TRIM66: variants seen among roughly 807,000 people sequenced by gnomAD.
The protein encoded by TRIM66 is tripartite motif containing 66, also known as tripartite motif-containing protein 66.
TRIM66 carries 99 observed loss-of-function variants against 148.2 expected under a neutral mutation model. The observed-to-expected ratio is 0.67, with a 90% confidence interval of 0.57 to 0.79. The LOEUF (loss-of-function observed/expected upper bound fraction) is 0.79. Among genes scored for constraint, TRIM66 ranks in the 30% least tolerant of loss-of-function variants. The probability of loss-of-function intolerance (pLI) is 0.00; values close to 1 mark genes in which losing one functional copy is unlikely to be tolerated. For synonymous variants in TRIM66, 616 were observed against 635.9 expected, an observed-to-expected ratio of 0.97 and a Z score of 0.47; for missense variants, 1,666 against 1,697.9, an observed-to-expected ratio of 0.98 and a Z score of 0.33.
At chr11:8,618,683 C>G in intron 24 of TRIM66, 67 bp downstream of exon 24, 1 of 1,423,088 alleles carries the variant, frequency 7.0e-7, no homozygotes. Flanking sequence ...ACCTTAGGTT[C>G]TGCTTGGGTG....
chr11:8,625,590 C>G (rs2034765294), intron 15 of TRIM66, among the ~76,000 whole-genome samples: 1 of 152,086 alleles, frequency 6.6e-6, no homozygotes, highest in Non-Finnish European at 1.5e-5. Context: ...ACAGCCATAT[C>G]CCTCACCCCA....
At chr11:8,618,137 T>G (rs2141784498) in intron 24 of TRIM66, 134 bp from the exon 25 acceptor site, 1 of 876,446 alleles carries the variant, frequency 1.1e-6, no homozygotes, top group South Asian at 1.6e-5. Context: ...CAGTAAAACT[T>G]ACTGAAGCCA....
intron 18 of TRIM66, among the ~76,000 whole-genome samples, chr11:8,622,398 G>A (rs2034379555): frequency 2.5e-5 from 2 of 81,266 alleles, no homozygotes; most frequent in African/African-American, 4.2e-5. Context: ...TACTTGTTCT[G>A]TGCCTCTAGA....
At position 8,618,766 on chromosome 11, in the gene TRIM66, C is replaced by G; in HGVS notation, c.4103G>C (p.Arg1368Thr). 3 of 1,550,776 alleles carry G rather than the reference C, an allele frequency of 1.9e-6. No individual in the cohort carries two copies. Among genetic ancestry groups the G allele is most frequent in the Non-Finnish European group, 2.6e-6 (3 of 1,146,842 alleles). ...ACTCTTTACCATATGTCGTCGCCGC[C>G]TCTTGGGTTGGATGCCCTCCTGCAT... ...PYMQEGIQPKRRRRHMENERA... is the reference protein window; with the variant it reads ...PYMQEGIQPKTRRRHMENERA... The change falls in exon 24 of 25, where the codon AGG (arginine) becomes ACG (threonine). Residue 1368 changes from arginine (R) to threonine (T), a missense_variant. This residue lies in a region of TRIM66 where 204 missense variants were observed against 231.0 expected (regional missense o/e 0.88). Coordinates refer to ENST00000646038, the MANE Select transcript of TRIM66 (RefSeq NM_001388022.1).
intron 6 of TRIM66, among the ~76,000 whole-genome samples, chr11:8,654,949 C>T (rs926772100): frequency 3.3e-5 from 5 of 152,130 alleles, no homozygotes; most frequent in African/African-American, 1.2e-4. Context: ...CAACCTCCGC[C>T]TCCTGGGTTC....
intron 4 of TRIM66, among the ~76,000 whole-genome samples, chr11:8,674,256 T>TTACC (rs993318435): frequency 3.3e-5 from 5 of 152,250 alleles, no homozygotes; most frequent in African/African-American, 1.2e-4. Flanking sequence ...CTATTGCTAT[T>TTACC]TACCACATTA....
chr11:8,680,069 A>G lies in TRIM66; in HGVS notation c.-547-6T>C, dbSNP rs2039340535. On this transcript the variant is annotated splice_polypyrimidine_tract_variant and splice_region_variant and intron_variant, in intron 1 of 24. Transcript: ENST00000646038. ...TCCTTGTGGACTGAAGTGTTCTGGGAAGAAGCAGAATATAAAGTTGGCCTT... is the reference window on the plus strand; with the variant it reads ...TCCTTGTGGACTGAAGTGTTCTGGGGAGAAGCAGAATATAAAGTTGGCCTT... The G allele has an allele frequency of 6.6e-6, 1 of 152,294 alleles. No individual in the cohort carries two copies. The highest frequency in any genetic ancestry group is 2.4e-5 in the African/African-American group (1 of 41,454). 9.4% of individuals were successfully genotyped at this position (152,294 alleles called of 1,614,324 possible). A position where few individuals can be genotyped will look rare whatever the true frequency, so the allele number is the denominator to read the frequency against.
chr11:8,644,509 C>T (rs967542154), intron 12 of TRIM66: 52 of 428,680 alleles, frequency 1.2e-4, no homozygotes, highest in Non-Finnish European at 3.7e-5. Flanking sequence ...AACTTAACTA[C>T]AGCATTGTCC....
chr11:8,644,864 G>A (rs61875910), intron 12 of TRIM66, among the ~76,000 whole-genome samples: 3,363 of 152,242 alleles, frequency 0.022, 54 homozygotes, highest in Non-Finnish European at 0.036. Flanking sequence ...CAGATCCAGA[G>A]GCTGCTCGTC....
At chr11:8,674,359 A>G (rs2039080806) in intron 4 of TRIM66, among the ~76,000 whole-genome samples, 1 of 152,208 alleles carries the variant, frequency 6.6e-6, no homozygotes, top group Non-Finnish European at 1.5e-5. Context: ...TTTGGAAAAA[A>G]TAACTATTTC....
At chr11:8,653,860 A>G (rs1379494588) in intron 6 of TRIM66, among the ~76,000 whole-genome samples, 2 of 152,002 alleles carry the variant, frequency 1.3e-5, no homozygotes, top group Admixed American at 1.3e-4. Context: ...TAATGACAGG[A>G]CTGTATCTGG....
At chr11:8,683,053 C>T (rs996532026), upstream of TRIM66, 1 of 890,060 alleles carries the variant, frequency 1.1e-6, no homozygotes. Context: ...TGAGACCTCA[C>T]GGCCCTGAGC....
intron 6 of TRIM66, among the ~76,000 whole-genome samples, chr11:8,655,866 C>T (rs996904320): frequency 6.6e-6 from 1 of 152,142 alleles, no homozygotes. Context: ...CCAAATGGCA[C>T]CCTGGCTATC....
chr11:8,621,794 G>T lies in TRIM66; in HGVS notation c.3106C>A (p.Pro1036Thr). ...IRAFNSEHKI[P>T]YVRLERLKIC... The stretch of plus-strand genomic sequence containing the variant: ...TTGAGTCGCTCCAGTCGCACATAGG[G>T]AATCTTATGCTCACTATTGAAGGCT... The change falls in exon 19 of 25, where the codon CCC becomes ACC. Residue 1036 changes from proline (P) to threonine (T), a missense_variant. This residue lies in a region of TRIM66 where 1,431 missense variants were observed against 1,412.4 expected (regional missense o/e 1.01). Coordinates refer to ENST00000646038, the MANE Select transcript of TRIM66 (RefSeq NM_001388022.1). 1 of 1,549,802 alleles carries T rather than the reference G, an allele frequency of 6.5e-7. No homozygotes were observed. The highest frequency in any genetic ancestry group is 1.2e-5 in the South Asian group (1 of 83,752).
chr11:8,682,658 G>A lies in TRIM66; in HGVS notation c.-605C>T, dbSNP rs560300049. On this transcript the variant is annotated 5_prime_UTR_variant, in exon 1 of 25. Transcript: ENST00000646038. ...GATGGGGGATCACCACCCTCAGAAA[G>A]AGGAAGCGACTAGCAGGCGCGCAAT... 10 of 819,908 alleles carry A rather than the reference G, an allele frequency of 1.2e-5. No homozygotes were observed. The highest frequency in any genetic ancestry group is 5.1e-5 in the African/African-American group (3 of 58,452). The allele number at this position is 819,908 out of a possible 1,614,324, so 50.8% of individuals were successfully genotyped here.
At chr11:8,677,226 T>C (rs2039217819) in intron 3 of TRIM66, among the ~76,000 whole-genome samples, 1 of 152,320 alleles carries the variant, frequency 6.6e-6, no homozygotes, top group African/African-American at 2.4e-5. Flanking sequence ...GAGTACCTAC[T>C]CTTTGCTAGG....
intron 3 of TRIM66, among the ~76,000 whole-genome samples, chr11:8,675,147 T>C (rs1453429665): frequency 6.6e-6 from 1 of 152,222 alleles, no homozygotes; most frequent in African/African-American, 2.4e-5. Flanking sequence ...GTTCCAAATA[T>C]CGACACATTT....
intron 6 of TRIM66, among the ~76,000 whole-genome samples, chr11:8,670,012 TATTTA>T (rs796156272): frequency 3.6e-4 from 50 of 138,654 alleles, no homozygotes; most frequent in Admixed American, 5.9e-4. Context: ...GTTTTGTTTT[TATTTA>T]TTTTTTTTTT....
chr11:8,654,230 T>C lies in TRIM66; in HGVS notation c.341-2327A>G, dbSNP rs146391889. ...CTTGGCATTCAATGCCCCTTGTAAATTGACCTTATCTCTCTCTAATCTCAT... is the reference window on the plus strand; with the variant it reads ...CTTGGCATTCAATGCCCCTTGTAAACTGACCTTATCTCTCTCTAATCTCAT... On this transcript the variant is annotated intron_variant, in intron 6 of 24. Coordinates refer to ENST00000646038, the MANE Select transcript of TRIM66 (RefSeq NM_001388022.1). Among the ~76,000 whole-genome samples, 397 of 152,350 alleles carry C rather than the reference T, an allele frequency of 2.6e-3. 2 individuals carry two copies. The highest frequency in any genetic ancestry group is 4.2e-3 in the Non-Finnish European group (285 of 68,032).
Sources: gnomAD v4.1 joint callset for allele counts (sites outside exome capture counted in the v4.1 genomes callset) on GRCh38, gnomAD v4.1.1 for gene constraint, gnomAD v4.1.1 regional missense constraint, MANE v1.5 for transcripts, NCBI Gene and HGNC (gene_info 2026-07-23, HGNC 2026-07-21) for gene names.